Variants in ZNF865 observed in about 807,000 individuals in gnomAD.
The protein encoded by ZNF865 is zinc finger protein 865.
For synonymous variants in ZNF865, 763 were observed against 750.8 expected, an observed-to-expected ratio of 1.02 and a Z score of -0.27; for missense variants, 1,311 against 1,593.4, an observed-to-expected ratio of 0.82 and a Z score of 3.02.
Position 55,614,472 on chromosome 19 carries a change from C to A in ZNF865, c.854C>A (p.Pro285His). Residue 285 changes from proline (P) to histidine (H), a missense_variant, in exon 2 of 2, where the codon CCC becomes CAC. Coordinates refer to ENST00000568956, the MANE Select transcript of ZNF865 (RefSeq NM_001195605.2). This position sits in a 1 kb window ranked among gnomAD's most constrained non-coding sequence, Gnocchi z 8.0. The stretch of plus-strand genomic sequence containing the variant: ...GTGCCACCGGCCGCGGGGGGCCCGC[C>A]CCAGCCCGGCCCCCACCTCCCGCCG... ...KDVPPAAGGP[P>H]QPGPHLPPLG... The A allele has an allele frequency of 7.2e-7, 1 of 1,382,864 alleles. No individual in the cohort carries two copies. Among genetic ancestry groups the A allele is most frequent in the South Asian group, 1.5e-5 (1 of 65,856 alleles). 85.7% of individuals were successfully genotyped at this position (1,382,864 alleles called of 1,614,324 possible).
Position 55,614,584 on chromosome 19 carries a change from G to A in ZNF865, c.966G>A (p.Ala322=). The change falls in exon 2 of 2, where the codon GCG becomes GCA. Residue 322 remains alanine (A), a synonymous_variant. Coordinates refer to ENST00000568956, the MANE Select transcript of ZNF865 (RefSeq NM_001195605.2). This position sits in a 1 kb window ranked among gnomAD's most constrained non-coding sequence, Gnocchi z 8.0. Reference sequence around the variant, plus strand: ...CGGGCCCTCCAGCCACGCCCGTGGCGCCTGCCCCCTCCGCAGACGGGAGCG... The same window carrying A: ...CGGGCCCTCCAGCCACGCCCGTGGCACCTGCCCCCTCCGCAGACGGGAGCG... ...VSSGPPATPV[A]PAPSADGSAA... The A allele has an allele frequency of 2.0e-6, 3 of 1,513,838 alleles. No homozygotes were observed. The highest frequency in any genetic ancestry group is 2.6e-6 in the Non-Finnish European group (3 of 1,136,840). The allele number at this position is 1,513,838 out of a possible 1,614,324, so 93.8% of individuals were successfully genotyped here.
chr19:55,614,821 G>T lies in ZNF865; in HGVS notation c.1203G>T (p.Ser401=). 1 of 1,539,664 alleles carries T rather than the reference G, an allele frequency of 6.5e-7. No homozygotes were observed. The highest frequency in any genetic ancestry group is 8.7e-7 in the Non-Finnish European group (1 of 1,150,076). ...ESLKRHVKTH[S]ADLLRLPCGI... is the part of the protein sequence containing the mutation. ...TGAAGCGCCACGTGAAGACGCACTC[G>T]GCCGACCTCCTGCGCCTGCCCTGCG... The change falls in exon 2 of 2, where the codon TCG becomes TCT. Residue 401 remains serine (S), a synonymous_variant. Transcript: ENST00000568956. The surrounding 1 kb of genome is among the most constrained non-coding windows in gnomAD (Gnocchi z 8.0).
Position 55,613,658 on chromosome 19 carries a change from G to A in ZNF865, c.40G>A (p.Gly14Arg). Residue 14 changes from glycine (G) to arginine (R), a missense_variant, in exon 2 of 2, where the codon GGG becomes AGG. Physicochemically the swap from Gly to Arg is moderately radical, Grantham distance 125. Coordinates refer to ENST00000568956, the MANE Select transcript of ZNF865 (RefSeq NM_001195605.2). The stretch of plus-strand genomic sequence containing the variant: ...AGCGGGCAGCGGCGCCGGGGGTGGC[G>A]GGAGCAGCGGCATCGGGGGCGAGGA... ...NPAGSGAGGGGSSGIGGEDGV... is the reference protein window; with the variant it reads ...NPAGSGAGGGRSSGIGGEDGV... 5 of 1,527,774 alleles carry A rather than the reference G, an allele frequency of 3.3e-6. No individual in the cohort carries two copies. The highest frequency in any genetic ancestry group is 1.7e-4 in the Middle Eastern group (1 of 5,938). The allele number at this position is 1,527,774 out of a possible 1,614,324, so 94.6% of individuals were successfully genotyped here.
At chr19:55,605,911 C>T (rs1013489750) in intron 1 of ZNF865, among the ~76,000 whole-genome samples, 179 bp downstream of exon 1, 2 of 152,122 alleles carry the variant, frequency 1.3e-5, no homozygotes, top group African/African-American at 4.8e-5. Context: ...GCAGATAGCT[C>T]CCCCATGAAC....
At position 55,614,409 on chromosome 19, in the gene ZNF865, T is replaced by C. The variant is rs1337646912; in HGVS notation, c.791T>C (p.Val264Ala). 2 of 1,469,584 alleles carry C rather than the reference T, an allele frequency of 1.4e-6. No homozygotes were observed. Among genetic ancestry groups the C allele is most frequent in the Admixed American group, 2.3e-5 (1 of 43,198 alleles). The allele number at this position is 1,469,584 out of a possible 1,614,324, so 91.0% of individuals were successfully genotyped here. ...GTCTGCGGCCGCACCTACAACCACG[T>C]GTCCAGCCTCATCCGCCACCGCCGC... ...CGVCGRTYNH[V>A]SSLIRHRRCH... Residue 264 changes from valine to alanine, a missense_variant, in exon 2 of 2, where the codon GTG (valine) becomes GCG (alanine). Transcript: ENST00000568956. This position sits in a 1 kb window ranked among gnomAD's most constrained non-coding sequence, Gnocchi z 8.0.
In ZNF865 at chr19:55,615,913, A is replaced by C; in HGVS notation, c.2295A>C (p.Ala765=). The C allele has an allele frequency of 6.7e-7, 1 of 1,482,744 alleles. No homozygotes were observed. The highest frequency in any genetic ancestry group is 8.9e-7 in the Non-Finnish European group (1 of 1,123,902). 91.8% of individuals were successfully genotyped at this position (1,482,744 alleles called of 1,614,324 possible). A position where few individuals can be genotyped will look rare whatever the true frequency, so the allele number is the denominator to read the frequency against. Residue 765 remains alanine (A), a synonymous_variant, in exon 2 of 2, where the codon GCA becomes GCC. Transcript: ENST00000568956. ...GEVGAAVAAL[A]GVSGGEDAGG... ...TGGGGGCGGCCGTGGCGGCACTGGC[A>C]GGGGTGTCTGGGGGTGAGGACGCAG...
chr19:55,610,324 G>A (rs539498929), intron 1 of ZNF865, among the ~76,000 whole-genome samples: 5 of 152,254 alleles, frequency 3.3e-5, no homozygotes, highest in South Asian at 2.1e-4. Flanking sequence ...GCAGTGGCAC[G>A]ATCTCAGCTC....
At position 55,616,690 on chromosome 19, in the gene ZNF865, G is replaced by C. The variant is rs531997391; in HGVS notation, c.3072G>C (p.Glu1024Asp). The C allele has an allele frequency of 9.2e-6, 14 of 1,529,820 alleles. No individual in the cohort carries two copies. Among genetic ancestry groups the C allele is most frequent in the Middle Eastern group, 3.4e-4 (2 of 5,950 alleles). 94.8% of individuals were successfully genotyped at this position (1,529,820 alleles called of 1,614,324 possible). Residue 1024 changes from glutamate (E) to aspartate (D), a missense_variant, in exon 2 of 2, where the codon GAG becomes GAC. Coordinates refer to ENST00000568956, the MANE Select transcript of ZNF865 (RefSeq NM_001195605.2). ...CCTTCCGCTGCTCCTCCTGCGGCGA[G>C]GGCTTCGCCAACACCTACGGCCTCA... ...GRPFRCSSCG[E>D]GFANTYGLKK...
intron 1 of ZNF865, among the ~76,000 whole-genome samples, chr19:55,610,909 C>A (rs1442444579): frequency 6.6e-6 from 1 of 152,120 alleles, no homozygotes; most frequent in Non-Finnish European, 1.5e-5. Context: ...ACACTGTAGG[C>A]AGAAGAGAAA....
Position 55,614,279 on chromosome 19 carries a change from G to A in ZNF865, c.661G>A (p.Glu221Lys). The change falls in exon 2 of 2, where the codon GAG (glutamate) becomes AAG (lysine). Residue 221 changes from glutamate to lysine, a missense_variant. By Grantham distance (56) the Glu-to-Lys change is moderately conservative. Coordinates refer to ENST00000568956, the MANE Select transcript of ZNF865 (RefSeq NM_001195605.2). The surrounding 1 kb of genome is among the most constrained non-coding windows in gnomAD (Gnocchi z 8.0). ...GYFRRLKYLM[E>K]RRFPCGVCQK... ...CTTCCGGAGACTGAAGTACCTGATG[G>A]AGCGGCGCTTCCCCTGCGGCGTGTG... The A allele has an allele frequency of 2.0e-6, 3 of 1,516,172 alleles. No homozygotes were observed. The highest frequency in any genetic ancestry group is 2.6e-6 in the Non-Finnish European group (3 of 1,137,528). The allele number at this position is 1,516,172 out of a possible 1,614,324, so 93.9% of individuals were successfully genotyped here.
intron 1 of ZNF865, chr19:55,613,041 G>GA (rs1981194437): frequency 6.5e-6 from 1 of 153,260 alleles, no homozygotes; most frequent in South Asian, 2.0e-4. Flanking sequence ...GGTTTGGAAA[G>GA]AAAACTGAGT....
Position 55,615,377 on chromosome 19 carries a change from T to A in ZNF865, c.1759T>A (p.Phe587Ile). The change falls in exon 2 of 2, where the codon TTC (phenylalanine) becomes ATC (isoleucine). Residue 587 changes from phenylalanine (F) to isoleucine (I), a missense_variant. Transcript: ENST00000568956. ...PHQCPVCGKR[F>I]RESFHLSKHH... The stretch of plus-strand genomic sequence containing the variant: ...CCAGTGCCCCGTGTGTGGGAAGCGC[T>A]TCCGCGAATCCTTCCACTTGAGCAA... The A allele has an allele frequency of 6.7e-7, 1 of 1,501,778 alleles. No homozygotes were observed. Among genetic ancestry groups the A allele is most frequent in the Non-Finnish European group, 8.8e-7 (1 of 1,131,314 alleles). 93.0% of individuals were successfully genotyped at this position (1,501,778 alleles called of 1,614,324 possible). A position where few individuals can be genotyped will look rare whatever the true frequency, so the allele number is the denominator to read the frequency against.
chr19:55,606,936 A>G (rs182553586), intron 1 of ZNF865, among the ~76,000 whole-genome samples: 316 of 152,314 alleles, frequency 2.1e-3, no homozygotes, highest in Middle Eastern at 3.4e-3. Context: ...CCATGCAAAG[A>G]TCTGGGTGAG....
At chr19:55,612,607 C>T (rs76962289) in intron 1 of ZNF865, 6,656 of 152,512 alleles carry the variant, frequency 0.044, 210 homozygotes, top group Non-Finnish European at 0.07. Context: ...GCTCAAGCAG[C>T]TCTCCTGCCT....
In ZNF865 at chr19:55,616,709, G is replaced by T; in HGVS notation, c.3091G>T (p.Gly1031Cys). ...CGGCGAGGGCTTCGCCAACACCTAC[G>T]GCCTCAAGAAACACCGCCTGGCGCA... ...SCGEGFANTY[G>C]LKKHRLAHKA... Residue 1031 changes from glycine to cysteine, a missense_variant, in exon 2 of 2, where the codon GGC becomes TGC. Coordinates refer to ENST00000568956, the MANE Select transcript of ZNF865 (RefSeq NM_001195605.2). The T allele has an allele frequency of 2.0e-6, 3 of 1,525,922 alleles. No homozygotes were observed. The highest frequency in any genetic ancestry group is 1.8e-6 in the Non-Finnish European group (2 of 1,142,088). 94.5% of individuals were successfully genotyped at this position (1,525,922 alleles called of 1,614,324 possible). A position where few individuals can be genotyped will look rare whatever the true frequency, so the allele number is the denominator to read the frequency against.
chr19:55,614,652 G>T lies in ZNF865; in HGVS notation c.1034G>T (p.Gly345Val). Residue 345 changes from glycine to valine, a missense_variant, in exon 2 of 2, where the codon GGT (glycine) becomes GTT (valine). Coordinates refer to ENST00000568956, the MANE Select transcript of ZNF865 (RefSeq NM_001195605.2). The surrounding 1 kb of genome is among the most constrained non-coding windows in gnomAD (Gnocchi z 8.0). The part of the protein sequence containing the change: ...GVGVPPPATG[G>V]GDGPFACPLC... ...GGGGTGCCCCCTCCTGCCACCGGGG[G>T]TGGCGATGGCCCGTTCGCCTGCCCA... is the stretch of plus-strand genomic sequence containing the variant. The T allele has an allele frequency of 6.5e-7, 1 of 1,538,812 alleles. No homozygotes were observed. Among genetic ancestry groups the T allele is most frequent in the South Asian group, 1.2e-5 (1 of 84,050 alleles).
rs2123590513 is a variant in ZNF865 at position 55,613,857 on chromosome 19, CGCCCCAGTCCACCTTCAA to C, written c.244_261del (p.Gln82_Pro87del). The C allele has an allele frequency of 6.7e-7, 1 of 1,496,364 alleles. No homozygotes were observed. The highest frequency in any genetic ancestry group is 2.5e-5 in the East Asian group (1 of 40,302). 92.7% of individuals were successfully genotyped at this position (1,496,364 alleles called of 1,614,324 possible). A position where few individuals can be genotyped will look rare whatever the true frequency, so the allele number is the denominator to read the frequency against. The stretch of plus-strand genomic sequence containing the variant: ...CCCCCTCCCCCGCAGTATGACTACC[CGCCCCAGTCCACCTTCAA>C]GCCCAAGGCGGAGGTGCCCTCCTCG... On this transcript the variant is annotated inframe_deletion, in exon 2 of 2. Transcript: ENST00000568956.
In ZNF865 at chr19:55,616,108, G is replaced by A; in HGVS notation, c.2490G>A (p.Ala830=). Residue 830 remains alanine, a synonymous_variant, in exon 2 of 2, where the codon GCG becomes GCA. Coordinates refer to ENST00000568956, the MANE Select transcript of ZNF865 (RefSeq NM_001195605.2). ...GCGGCCTCTGCGGCCAGAGCTTCGC[G>A]GGCGCCTACGACTTGCTCCTACACC... The part of the protein sequence containing the change: ...LGCGLCGQSF[A]GAYDLLLHRR... 1.3e-6 allele frequency: 2 copies of A among 1,487,946 alleles called. No homozygotes were observed. Among genetic ancestry groups the A allele is most frequent in the African/African-American group, 1.4e-5 (1 of 70,682 alleles). 92.2% of individuals were successfully genotyped at this position (1,487,946 alleles called of 1,614,324 possible).
Position 55,613,811 on chromosome 19 carries a change from C to T in ZNF865, c.193C>T (p.Pro65Ser), listed in dbSNP as rs1465112382. 1 of 1,498,186 alleles carries T rather than the reference C, an allele frequency of 6.7e-7. No individual in the cohort carries two copies. Among genetic ancestry groups the T allele is most frequent in the Non-Finnish European group, 8.9e-7 (1 of 1,128,034 alleles). 92.8% of individuals were successfully genotyped at this position (1,498,186 alleles called of 1,614,324 possible). ...GGCCCTGCCCTGCGCCCCCGGCCCC[C>T]CGCCGCAGCCCCCGCCGCAGCCCCC... is the stretch of plus-strand genomic sequence containing the variant. ...VAALPCAPGP[P>S]PQPPPQPPPP... is the part of the protein sequence containing the mutation. Residue 65 changes from proline to serine, a missense_variant, in exon 2 of 2, where the codon CCG (proline) becomes TCG (serine). Physicochemically the swap from Pro to Ser is moderately conservative, Grantham distance 74. Coordinates refer to ENST00000568956, the MANE Select transcript of ZNF865 (RefSeq NM_001195605.2).
Sources: allele counts gnomAD v4.1 joint callset (sites outside exome capture counted in the v4.1 genomes callset), GRCh38; gene constraint gnomAD v4.1.1; non-coding constraint Gnocchi (gnomAD v3.1); transcripts MANE v1.5; gene names NCBI Gene and HGNC (gene_info 2026-07-23, HGNC 2026-07-21).